Variants in ELOVL5 observed in about 807,000 individuals in gnomAD.
ELOVL5 encodes the protein ELOVL fatty acid elongase 5, also known as very long chain fatty acid elongase 5.
A neutral mutation model predicts 38.6 loss-of-function variants in ELOVL5; 8 were observed. The ratio of observed to expected loss-of-function variants is 0.21; its 90% CI spans 0.12 to 0.37. The LOEUF (loss-of-function observed/expected upper bound fraction) is 0.37, where lower values mean the gene tolerates loss of function less well. ELOVL5 is among the 10% of genes least tolerant of loss of function. ELOVL5 has a pLI of 1.00. For missense variants in ELOVL5, 280 were observed against 367.8 expected, an observed-to-expected ratio of 0.76 and a Z score of 1.95; for synonymous variants, 127 against 133.7, an observed-to-expected ratio of 0.95 and a Z score of 0.34.
At chr6:53,274,973 A>C in intron 5 of ELOVL5, 117 bp downstream of exon 5, 1 of 1,002,518 alleles carries the variant, frequency 1.0e-6, no homozygotes, top group Non-Finnish European at 1.5e-6. Context: ...CAACTTGAAC[A>C]CAAAGCTGAA....
At chr6:53,322,722 A>G (rs1340863852) in intron 1 of ELOVL5, among the ~76,000 whole-genome samples, 1 of 152,154 alleles carries the variant, frequency 6.6e-6, no homozygotes. Flanking sequence ...GAAAAAGAAG[A>G]CTCCACCAGC....
chr6:53,285,935 T>G (rs1056122320), intron 3 of ELOVL5, among the ~76,000 whole-genome samples: 17 of 151,440 alleles, frequency 1.1e-4, no homozygotes, highest in African/African-American at 3.9e-4. Context: ...ATGTCTACTG[T>G]TTTTTTTTAA....
chr6:53,337,666 T>C (rs1264170384), intron 1 of ELOVL5, among the ~76,000 whole-genome samples: 1 of 152,234 alleles, frequency 6.6e-6, no homozygotes, highest in Non-Finnish European at 1.5e-5. Flanking sequence ...GCTAGATACC[T>C]ACACTATGTG....
intron 1 of ELOVL5, among the ~76,000 whole-genome samples, chr6:53,343,663 C>A (rs972310846): frequency 2.6e-5 from 4 of 152,168 alleles, no homozygotes; most frequent in Non-Finnish European, 1.5e-5. Flanking sequence ...GAGACCAATG[C>A]TCAGAGTTGA....
At position 53,294,435 on chromosome 6, in the gene ELOVL5, G is replaced by A. The variant is rs9474477; in HGVS notation, c.58+1207C>T. The A allele has an allele frequency of 3.9e-3, 6,073 of 1,550,604 alleles. 224 individuals carry two copies. The African/African-American group carries it at 0.072, about 18-fold the overall frequency. On this transcript the variant is annotated intron_variant, in intron 2 of 7. Transcript: ENST00000304434. Reference sequence around the variant, plus strand: ...GAATGTGCTGCTTGGAGCTGCTGTAGCCATCCTACAACTGTGTGAAGTGGG... The same window carrying A: ...GAATGTGCTGCTTGGAGCTGCTGTAACCATCCTACAACTGTGTGAAGTGGG...
intron 2 of ELOVL5, 36 bp downstream of exon 2, chr6:53,295,606 G>C: frequency 6.9e-7 from 1 of 1,452,004 alleles, no homozygotes. Context: ...AGGGAGTGAT[G>C]CTGCAGAAGG....
chr6:53,337,375 AG>A (rs1769119869), intron 1 of ELOVL5: 1 of 152,252 alleles, frequency 6.6e-6, no homozygotes, highest in Non-Finnish European at 1.5e-5. Flanking sequence ...GCATGTCTCC[AG>A]GCATAGGTAA....
intron 3 of ELOVL5, among the ~76,000 whole-genome samples, chr6:53,289,412 A>T (rs9349660): frequency 0.36 from 55,252 of 152,074 alleles, 11,156 homozygotes; most frequent in African/African-American, 0.55. Context: ...AATGGAGTAG[A>T]AATGCTAAGT....
chr6:53,292,320 G>A (rs1424677916), intron 2 of ELOVL5, among the ~76,000 whole-genome samples: 1 of 152,194 alleles, frequency 6.6e-6, no homozygotes, highest in Non-Finnish European at 1.5e-5. Flanking sequence ...CCCAAGAAAT[G>A]GCAGTCATTG....
chr6:53,288,251 A>T (rs1231026907), intron 3 of ELOVL5, among the ~76,000 whole-genome samples: 2 of 152,160 alleles, frequency 1.3e-5, no homozygotes, highest in Non-Finnish European at 2.9e-5. Context: ...TAGTGCAAAA[A>T]ATCAGGCTTC....
At chr6:53,338,883 G>A (rs1769199455) in intron 1 of ELOVL5, among the ~76,000 whole-genome samples, 1 of 152,162 alleles carries the variant, frequency 6.6e-6, no homozygotes. Flanking sequence ...AGTATACAAA[G>A]GCAGTGATAC....
rs924921768 is a variant in ELOVL5, at chr6:53,267,929, T to C, written c.*1198A>G. On this transcript the variant is annotated 3_prime_UTR_variant, in exon 8 of 8. Transcript: ENST00000304434. ...TTTATGATAAGCAGTCTATTATTTT[T>C]AAACAAGAGGTTCTAAACACATCTT... 6.6e-6 allele frequency: 1 copy of C among 152,208 alleles called. No individual in the cohort carries two copies. The highest frequency in any genetic ancestry group is 1.5e-5 in the Non-Finnish European group (1 of 68,016). 9.4% of individuals were successfully genotyped at this position (152,208 alleles called of 1,614,324 possible). A position where few individuals can be genotyped will look rare whatever the true frequency, so the allele number is the denominator to read the frequency against.
At chr6:53,276,548 T>C (rs892892142) in intron 3 of ELOVL5, among the ~76,000 whole-genome samples, 10 of 152,162 alleles carry the variant, frequency 6.6e-5, no homozygotes, top group Admixed American at 5.9e-4. Flanking sequence ...CCCTTGGTCC[T>C]AGCACAAGTG....
At chr6:53,306,230 AGG>A (rs1264622720) in intron 1 of ELOVL5, among the ~76,000 whole-genome samples, 1 of 19,308 alleles carries the variant, frequency 5.2e-5, no homozygotes, top group Non-Finnish European at 8.2e-5. Flanking sequence ...GAGAGGGGAG[AGG>A]GGAGAGGGAG....
At chr6:53,322,710 C>T (rs982282198) in intron 1 of ELOVL5, among the ~76,000 whole-genome samples, 1 of 152,198 alleles carries the variant, frequency 6.6e-6, no homozygotes, top group African/African-American at 2.4e-5. Context: ...TTATGTCACA[C>T]TGAAAAAGAA....
chr6:53,302,895 CT>C (rs942581635), intron 1 of ELOVL5, among the ~76,000 whole-genome samples: 23 of 151,222 alleles, frequency 1.5e-4, no homozygotes, highest in African/African-American at 5.1e-4. Flanking sequence ...TCCTGCTTTA[CT>C]TTTTTTTTAA....
intron 3 of ELOVL5, among the ~76,000 whole-genome samples, chr6:53,289,305 A>T (rs1020602782): frequency 6.6e-6 from 1 of 152,202 alleles, no homozygotes; most frequent in African/African-American, 2.4e-5. Flanking sequence ...AACTCCTGGG[A>T]CATTTCTCTA....
At chr6:53,333,988 T>G (rs1768923774) in intron 1 of ELOVL5, among the ~76,000 whole-genome samples, 1 of 152,148 alleles carries the variant, frequency 6.6e-6, no homozygotes, top group Middle Eastern at 3.2e-3. Flanking sequence ...TCCTACAATC[T>G]CTAATGTCAA....
intron 1 of ELOVL5, among the ~76,000 whole-genome samples, chr6:53,312,101 G>A (rs1461811376): frequency 6.6e-6 from 1 of 152,132 alleles, no homozygotes; most frequent in Non-Finnish European, 1.5e-5. Context: ...CCTTCTAGAT[G>A]AAACCTTCCG....
Sources: allele counts gnomAD v4.1 joint callset (sites outside exome capture counted in the v4.1 genomes callset), GRCh38; gene constraint gnomAD v4.1.1; transcripts MANE v1.5; gene names NCBI Gene and HGNC (gene_info 2026-07-23, HGNC 2026-07-21).